KIAA1217: variants seen among roughly 807,000 people sequenced by gnomAD.
KIAA1217 encodes the protein sickle tail protein homolog.
KIAA1217 carries 88 observed loss-of-function variants against 163.9 expected under a neutral mutation model. The observed-to-expected ratio is 0.54, with a 90% confidence interval of 0.45 to 0.64. KIAA1217 has a LOEUF of 0.64. KIAA1217 is among the 30% of genes least tolerant of loss of function. The pLI, the probability that KIAA1217 is intolerant of heterozygous loss-of-function variation, is 0.00. For synonymous variants in KIAA1217, 903 were observed against 923.1 expected, an observed-to-expected ratio of 0.98 and a Z score of 0.39; for missense variants, 2,372 against 2,475.0, an observed-to-expected ratio of 0.96 and a Z score of 0.88.
chr10:23,843,710 A>G (rs1039171757), intron 1 of KIAA1217, among the ~76,000 whole-genome samples: 12 of 152,160 alleles, frequency 7.9e-5, no homozygotes, highest in African/African-American at 2.4e-4. Flanking sequence ...GTTCTTCTGT[A>G]TAGGCAGGGT....
At chr10:23,730,915 AT>A (rs1838439757) in intron 1 of KIAA1217, among the ~76,000 whole-genome samples, 1 of 152,164 alleles carries the variant, frequency 6.6e-6, no homozygotes, top group African/African-American at 2.4e-5. Flanking sequence ...GATTTTCTTC[AT>A]AGACTAACAT....
intron 2 of KIAA1217, among the ~76,000 whole-genome samples, chr10:24,317,964 G>GTTT (rs2043614749): frequency 6.6e-6 from 1 of 151,952 alleles, no homozygotes; most frequent in South Asian, 2.1e-4. Context: ...TCAAACCCCT[G>GTTT]ACTGGGTATT....
intron 1 of KIAA1217, among the ~76,000 whole-genome samples, chr10:24,212,495 C>T (rs927972478): frequency 2.6e-5 from 4 of 152,110 alleles, no homozygotes; most frequent in African/African-American, 7.2e-5. Flanking sequence ...GGATGCCCCC[C>T]GAGGCAGTCC....
At chr10:24,450,617 A>G (rs2061314095) in intron 5 of KIAA1217, among the ~76,000 whole-genome samples, 1 of 152,214 alleles carries the variant, frequency 6.6e-6, no homozygotes, top group Non-Finnish European at 1.5e-5. Flanking sequence ...GGATATCTTT[A>G]TCCCAGTTTA....
intron 1 of KIAA1217, among the ~76,000 whole-genome samples, chr10:23,763,276 T>A (rs529483718): frequency 6.6e-6 from 1 of 152,320 alleles, no homozygotes; most frequent in African/African-American, 2.4e-5. Flanking sequence ...AAATTTCATA[T>A]GGAATCAAAG....
intron 2 of KIAA1217, among the ~76,000 whole-genome samples, chr10:24,367,475 A>G (rs1211714051): frequency 2.0e-5 from 3 of 152,224 alleles, no homozygotes; most frequent in African/African-American, 4.8e-5. Context: ...TGGATTGTGG[A>G]ATCAGCAGTA....
chr10:24,392,288 T>G (rs1411953781), intron 3 of KIAA1217, among the ~76,000 whole-genome samples: 1 of 152,200 alleles, frequency 6.6e-6, no homozygotes, highest in Non-Finnish European at 1.5e-5. Context: ...AACTCTTATA[T>G]CTTAATGTTT....
At chr10:24,055,662 G>A (rs927483073) in intron 2 of KIAA1217, among the ~76,000 whole-genome samples, 4 of 152,096 alleles carry the variant, frequency 2.6e-5, no homozygotes, top group African/African-American at 7.2e-5. Context: ...TTCTAAGAAG[G>A]TGAGGGCTTA....
chr10:23,756,097 C>G (rs1359599125), intron 1 of KIAA1217, among the ~76,000 whole-genome samples: 1 of 151,714 alleles, frequency 6.6e-6, no homozygotes, highest in African/African-American at 2.4e-5. Flanking sequence ...TCTGGGGCCA[C>G]AGACATGCAC....
intron 2 of KIAA1217, among the ~76,000 whole-genome samples, chr10:24,192,657 C>A (rs1014083991): frequency 6.6e-6 from 1 of 152,232 alleles, no homozygotes; most frequent in South Asian, 2.1e-4. Context: ...CTTGAGGTCC[C>A]TCAGGGGCTT....
rs780371689 is a variant in KIAA1217, at chr10:24,513,377, T to G, written c.2120T>G (p.Val707Gly). Reference sequence around the variant, plus strand: ...CCCGTGCAGCGACAGCGCGTCCTAGTGGAGCAAGAGAGACAAAAATATCTT... The same window carrying G: ...CCCGTGCAGCGACAGCGCGTCCTAGGGGAGCAAGAGAGACAAAAATATCTT... ...EDPVQRQRVL[V>G]EQERQKYLHE... Residue 707 changes from valine (V) to glycine (G), a missense_variant, in exon 10 of 21, where the codon GTG becomes GGG. Val to Gly is a moderately radical substitution (Grantham distance 109, BLOSUM62 -3). Transcript: ENST00000376454. 1.3e-5 allele frequency: 21 copies of G among 1,614,014 alleles called. No individual in the cohort carries two copies. The East Asian group carries it at 4.7e-4, about 36-fold the overall frequency.
At chr10:24,411,782 G>A (rs905423082) in intron 3 of KIAA1217, among the ~76,000 whole-genome samples, 1 of 150,888 alleles carries the variant, frequency 6.6e-6, no homozygotes, top group Admixed American at 6.6e-5. Context: ...TTTTTCATTC[G>A]TGTCATGGCT....
intron 1 of KIAA1217, among the ~76,000 whole-genome samples, chr10:23,987,043 A>T (rs1190274610): frequency 6.6e-6 from 1 of 152,138 alleles, no homozygotes; most frequent in Non-Finnish European, 1.5e-5. Flanking sequence ...CACAGAGTGA[A>T]CCCATCATCT....
intron 1 of KIAA1217, among the ~76,000 whole-genome samples, chr10:24,218,609 C>T (rs930614822): frequency 3.9e-5 from 6 of 152,060 alleles, no homozygotes; most frequent in Non-Finnish European, 7.3e-5. Flanking sequence ...CTGCCTCAGC[C>T]TCCCGAGTAG....
At chr10:24,165,618 G>A (rs1014485757) in intron 2 of KIAA1217, among the ~76,000 whole-genome samples, 1 of 152,106 alleles carries the variant, frequency 6.6e-6, no homozygotes, top group African/African-American at 2.4e-5. Context: ...ATTTAAGCTG[G>A]ATACAAAATT....
In KIAA1217 at chr10:24,073,952, CGATCTGGGGA is replaced by C. The variant is rs1280197994; in HGVS notation, c.-171+66579_-171+66588del. Among the ~76,000 whole-genome samples, 53 of 152,210 alleles carry C rather than the reference CGATCTGGGGA, an allele frequency of 3.5e-4. No homozygotes were observed. The East Asian group carries it at 9.3e-3, about 27-fold the overall frequency. ...GATTTCACTGCTTCTTTCAACTCTC[CGATCTGGGGA>C]TACATTGTGTACTGCAGTAGAACAA... On this transcript the variant is annotated intron_variant, in intron 2 of 18. Coordinates refer to the KIAA1217 transcript ENST00000376462.
chr10:24,459,282 A>T (rs1373888350), intron 5 of KIAA1217, among the ~76,000 whole-genome samples: 3 of 152,148 alleles, frequency 2.0e-5, no homozygotes, highest in Non-Finnish European at 2.9e-5. Flanking sequence ...TCATTCATGA[A>T]CCCACTCTCA....
chr10:23,740,145 G>A (rs544823356), intron 1 of KIAA1217, among the ~76,000 whole-genome samples: 1 of 152,270 alleles, frequency 6.6e-6, no homozygotes, highest in Admixed American at 6.5e-5. Flanking sequence ...CTGGAGAAAT[G>A]ATATGAGATT....
chr10:24,242,157 G>C (rs1186829553), intron 2 of KIAA1217, among the ~76,000 whole-genome samples: 3 of 152,128 alleles, frequency 2.0e-5, no homozygotes, highest in African/African-American at 7.2e-5. Flanking sequence ...TTAGATATAG[G>C]AGGTACATGT....
Sources: gnomAD v4.1 joint callset for allele counts (sites outside exome capture counted in the v4.1 genomes callset) on GRCh38, gnomAD v4.1.1 for gene constraint, MANE v1.5 for transcripts, NCBI Gene and HGNC (gene_info 2026-07-23, HGNC 2026-07-21) for gene names.